Variants in SHB observed in about 807,000 individuals in gnomAD.
The protein encoded by SHB is SH2 domain-containing adapter protein B.
In SHB, 20 loss-of-function variants were observed where a neutral mutation model predicts 52.3. The ratio of observed to expected loss-of-function variants is 0.38; its 90% CI spans 0.27 to 0.56. The LOEUF (loss-of-function observed/expected upper bound fraction) is 0.56. SHB is among the 20% of genes least tolerant of loss of function. The probability of loss-of-function intolerance (pLI) is 0.71; values close to 1 mark genes in which losing one functional copy is unlikely to be tolerated. For missense variants in SHB, 825 were observed against 723.3 expected, an observed-to-expected ratio of 1.14 and a Z score of -1.61; for synonymous variants, 397 against 316.5, an observed-to-expected ratio of 1.25 and a Z score of -2.70.
intron 3 of SHB, among the ~76,000 whole-genome samples, chr9:37,964,449 C>CCTAA (rs1832726916): frequency 6.6e-6 from 1 of 152,136 alleles, no homozygotes; most frequent in Non-Finnish European, 1.5e-5. Context: ...AAGACCCCAC[C>CCTAA]CTAAGATCTG....
chr9:37,941,514 G>C (rs901449061), intron 5 of SHB, among the ~76,000 whole-genome samples: 2 of 152,196 alleles, frequency 1.3e-5, no homozygotes, highest in African/African-American at 4.8e-5. Flanking sequence ...TCTGTTGGGG[G>C]AGTCATGGGG....
chr9:37,956,177 T>C lies in SHB; in HGVS notation c.1055-123A>G. On this transcript the variant is annotated intron_variant, in intron 3 of 5. Transcript: ENST00000377707. ...TTTACAGCTTGCAGGAGGAAGGGTT[T>C]CAAGCAATGACATAACATGGCACAA... 5 of 859,488 alleles carry C rather than the reference T, an allele frequency of 5.8e-6. No homozygotes were observed. In the South Asian group the frequency reaches 8.4e-5, roughly 14 times the overall value. 53.2% of individuals were successfully genotyped at this position (859,488 alleles called of 1,614,324 possible). A position where few individuals can be genotyped will look rare whatever the true frequency, so the allele number is the denominator to read the frequency against.
In SHB at chr9:37,955,917, T is replaced by C. The variant is rs1832625802; in HGVS notation, c.1192A>G (p.Arg398Gly). Residue 398 changes from arginine (R) to glycine (G), a missense_variant, in exon 4 of 6, where the codon AGG becomes GGG. Physicochemically the swap from Arg to Gly is moderately radical, Grantham distance 125 (BLOSUM62 -2). Transcript: ENST00000377707. Reference protein sequence around the residue: ...SPEFCGILGERVDPAVPLEKQ... With the variant: ...SPEFCGILGEGVDPAVPLEKQ... ...TCCAGGGGGACGGCAGGATCCACCC[T>C]TTCTCCTAGGATCCCGCAGAACTCA... 3 of 1,613,852 alleles carry C rather than the reference T, an allele frequency of 1.9e-6. No individual in the cohort carries two copies. The highest frequency in any genetic ancestry group is 1.7e-6 in the Non-Finnish European group (2 of 1,179,950).
At chr9:38,062,532 G>A (rs546401397) in intron 1 of SHB, among the ~76,000 whole-genome samples, 6 of 152,220 alleles carry the variant, frequency 3.9e-5, no homozygotes, top group South Asian at 2.1e-4. Context: ...CCCTGCTGCC[G>A]TCATATGAAC....
chr9:38,006,780 C>G (rs995431186), intron 2 of SHB, among the ~76,000 whole-genome samples: 1 of 152,192 alleles, frequency 6.6e-6, no homozygotes, highest in Admixed American at 6.5e-5. Context: ...CAATGGCAAC[C>G]CTCAGGGCCC....
At chr9:37,929,304 C>A (rs915173173) in intron 5 of SHB, among the ~76,000 whole-genome samples, 1 of 152,268 alleles carries the variant, frequency 6.6e-6, no homozygotes, top group Non-Finnish European at 1.5e-5. Context: ...CAAATCTGCA[C>A]TCTTTGGCAG....
chr9:37,963,804 G>T (rs982465307), intron 3 of SHB, among the ~76,000 whole-genome samples: 2 of 152,302 alleles, frequency 1.3e-5, no homozygotes, highest in African/African-American at 4.8e-5. Context: ...TCACAACAAT[G>T]CACTAACATC....
At chr9:38,049,612 AAAC>A in intron 1 of SHB, among the ~76,000 whole-genome samples, 1 of 150,868 alleles carries the variant, frequency 6.6e-6, no homozygotes, top group Admixed American at 6.6e-5. Flanking sequence ...AGTCTCAAAA[AAAC>A]AAACAAACAA....
intron 1 of SHB, among the ~76,000 whole-genome samples, chr9:38,030,756 C>T (rs1312323618): frequency 1.3e-5 from 2 of 151,956 alleles, no homozygotes; most frequent in Non-Finnish European, 2.9e-5. Context: ...TCGTGATGAC[C>T]CCTCCCCAAA....
At chr9:37,942,034 T>A (rs1832440294) in intron 5 of SHB, among the ~76,000 whole-genome samples, 1 of 152,208 alleles carries the variant, frequency 6.6e-6, no homozygotes, top group Admixed American at 6.5e-5. Context: ...GACCCAGACA[T>A]GCCTACTGTT....
intron 3 of SHB, among the ~76,000 whole-genome samples, chr9:37,973,445 A>C (rs1820614779): frequency 6.6e-6 from 1 of 151,924 alleles, no homozygotes; most frequent in Non-Finnish European, 1.5e-5. Context: ...CTGGTCTCGA[A>C]CTCCCAACCT....
At chr9:37,956,871 A>G (rs1259145684) in intron 3 of SHB, among the ~76,000 whole-genome samples, 1 of 152,242 alleles carries the variant, frequency 6.6e-6, no homozygotes, top group African/African-American at 2.4e-5. Flanking sequence ...ATTAAAGCAG[A>G]TGACACACCT....
At chr9:38,036,155 C>G (rs1821483533) in intron 1 of SHB, among the ~76,000 whole-genome samples, 1 of 152,174 alleles carries the variant, frequency 6.6e-6, no homozygotes, top group Admixed American at 6.5e-5. Flanking sequence ...ACCAGGCCTT[C>G]TTGCTCAAGC....
At position 37,961,121 on chromosome 9, in the gene SHB, C is replaced by A. The variant is rs1050204079; in HGVS notation, c.1055-5067G>T. On this transcript the variant is annotated intron_variant, in intron 3 of 5. Coordinates refer to ENST00000377707, the MANE Select transcript of SHB (RefSeq NM_003028.3). ...AACGCCACCTCCTCCACAAAGCTTA[C>A]CCTGATGCCACCTGCAGAGAATTAT... Among the ~76,000 whole-genome samples, 8 of 152,328 alleles carry A rather than the reference C, an allele frequency of 5.3e-5. 1 individual carries two copies. In the South Asian group the frequency reaches 1.7e-3, roughly 32 times the overall value.
At chr9:37,988,267 C>T (rs1185582894) in intron 2 of SHB, among the ~76,000 whole-genome samples, 1 of 152,200 alleles carries the variant, frequency 6.6e-6, no homozygotes, top group Non-Finnish European at 1.5e-5. Flanking sequence ...GCTCCCCGCT[C>T]ACCAGCTGTG....
At chr9:38,046,485 CCTT>C (rs1821653563) in intron 1 of SHB, among the ~76,000 whole-genome samples, 1 of 152,260 alleles carries the variant, frequency 6.6e-6, no homozygotes, top group Non-Finnish European at 1.5e-5. Context: ...CCCGGGTCCT[CCTT>C]CTCCGAGTAG....
chr9:38,069,099 G>A lies in SHB; in HGVS notation c.-454C>T, dbSNP rs1309440044. ...TCCCTTCTTCCTTCCTGCGAGCGCTGGGGAGAGCTCGGCCCCGCAGCGGAG... is the reference window on the plus strand; with the variant it reads ...TCCCTTCTTCCTTCCTGCGAGCGCTAGGGAGAGCTCGGCCCCGCAGCGGAG... On this transcript the variant is annotated 5_prime_UTR_variant, in exon 1 of 6. Transcript: ENST00000377707. 1 of 151,760 alleles carries A rather than the reference G, an allele frequency of 6.6e-6. No individual in the cohort carries two copies. Among genetic ancestry groups the A allele is most frequent in the Non-Finnish European group, 1.5e-5 (1 of 67,886 alleles). The allele number at this position is 151,760 out of a possible 1,614,324, so 9.4% of individuals were successfully genotyped here. A position where few individuals can be genotyped will look rare whatever the true frequency, so the allele number is the denominator to read the frequency against.
chr9:38,049,798 A>AC (rs1821715812), intron 1 of SHB, among the ~76,000 whole-genome samples: 1 of 147,376 alleles, frequency 6.8e-6, no homozygotes, highest in Non-Finnish European at 1.5e-5. Context: ...TACCATGGGT[A>AC]CTTTTTTTTT....
chr9:38,065,638 T>A (rs1821951763), intron 1 of SHB, among the ~76,000 whole-genome samples: 1 of 152,096 alleles, frequency 6.6e-6, no homozygotes. Flanking sequence ...AGAAAGAACA[T>A]CTGGACAACT....
Sources: allele counts gnomAD v4.1 joint callset (sites outside exome capture counted in the v4.1 genomes callset), GRCh38; gene constraint gnomAD v4.1.1; transcripts MANE v1.5; gene names NCBI Gene and HGNC (gene_info 2026-07-23, HGNC 2026-07-21).